The following SLCO5A1 variants were observed in gnomAD, a reference collection of about 807,000 sequenced individuals.
The protein encoded by SLCO5A1 is organic anion transporter polypeptide-related protein 4.
In SLCO5A1, 39 loss-of-function variants were observed where a neutral mutation model predicts 65.1. The observed-to-expected ratio is 0.60, with a 90% CI of 0.46 to 0.78. The LOEUF is 0.78. Among genes scored for constraint, SLCO5A1 ranks in the 30% least tolerant of loss-of-function variants. The pLI is 0.00. For missense variants in SLCO5A1, 1,029 were observed against 1,069.4 expected, an observed-to-expected ratio of 0.96 and a Z score of 0.53; for synonymous variants, 438 against 415.7, an observed-to-expected ratio of 1.05 and a Z score of -0.65.
chr8:69,680,199 G>C (rs890390475), intron 7 of SLCO5A1, among the ~76,000 whole-genome samples: 12 of 152,126 alleles, frequency 7.9e-5, no homozygotes, highest in Non-Finnish European at 1.6e-4. Context: ...GGTCTATTGT[G>C]TGATGCTGAG....
At chr8:69,680,514 T>G (rs1359216956) in intron 7 of SLCO5A1, among the ~76,000 whole-genome samples, 1 of 152,224 alleles carries the variant, frequency 6.6e-6, no homozygotes, top group African/African-American at 2.4e-5. Flanking sequence ...ATTATCACAT[T>G]TTCTTTATGG....
At chr8:69,679,038 T>G (rs1040059492) in intron 8 of SLCO5A1, among the ~76,000 whole-genome samples, 2 of 152,210 alleles carry the variant, frequency 1.3e-5, no homozygotes, top group African/African-American at 2.4e-5. Flanking sequence ...GGGTCCAGCT[T>G]CTCACAGCTG....
chr8:69,781,894 C>T (rs1397738965), intron 2 of SLCO5A1, among the ~76,000 whole-genome samples: 3 of 152,180 alleles, frequency 2.0e-5, no homozygotes, highest in Non-Finnish European at 2.9e-5. Context: ...CGACCTCAGG[C>T]GATCTGCCTG....
chr8:69,752,607 A>C (rs1368495284), intron 4 of SLCO5A1, among the ~76,000 whole-genome samples: 2 of 151,640 alleles, frequency 1.3e-5, no homozygotes, highest in African/African-American at 2.4e-5. Flanking sequence ...TTCTAATTGA[A>C]CATCATTTTA....
chr8:69,790,561 G>A (rs932071860), intron 2 of SLCO5A1, among the ~76,000 whole-genome samples: 3 of 152,082 alleles, frequency 2.0e-5, no homozygotes, highest in Non-Finnish European at 2.9e-5. Flanking sequence ...AATCACTTGA[G>A]CCCAGGAGTG....
chr8:69,817,447 C>T (rs918812200), intron 2 of SLCO5A1, among the ~76,000 whole-genome samples: 1 of 152,210 alleles, frequency 6.6e-6, no homozygotes, highest in Non-Finnish European at 1.5e-5. Flanking sequence ...GCTATGAACA[C>T]TGGAGTGTAA....
In SLCO5A1 at chr8:69,708,072, G is replaced by A. The variant is rs373075871; in HGVS notation, c.1424-2843C>T. Among the ~76,000 whole-genome samples, 3 of 152,244 alleles carry A rather than the reference G, an allele frequency of 2.0e-5. No individual in the cohort carries two copies. In the East Asian group the frequency reaches 5.8e-4, roughly 29 times the overall value. On this transcript the variant is annotated intron_variant, in intron 5 of 9. Coordinates refer to ENST00000260126, the MANE Select transcript of SLCO5A1 (RefSeq NM_030958.3). The stretch of plus-strand genomic sequence containing the variant: ...CAAAAGGGCCAAAACTACAACATTC[G>A]GATGAGTGCCAATGTTAATGGGGTA...
intron 2 of SLCO5A1, among the ~76,000 whole-genome samples, chr8:69,767,660 G>A (rs1205513901): frequency 6.6e-6 from 1 of 151,838 alleles, no homozygotes. Context: ...GGGAGGCCAA[G>A]GCAGGCAGAT....
rs146950796 is a variant in SLCO5A1, at chr8:69,710,168, G to A, written c.1424-4939C>T. ...CAAGCAGCTAGGATTGCAGGCGCTG[G>A]CAACCACGACCGGCTAATTTTTGTA... On this transcript the variant is annotated intron_variant, in intron 5 of 9. Transcript: ENST00000260126. Among the ~76,000 whole-genome samples, 187 of 152,016 alleles carry A rather than the reference G, an allele frequency of 1.2e-3. 1 individual carries two copies. Among genetic ancestry groups the A allele is most frequent in the African/African-American group, 4.4e-3 (181 of 41,448 alleles).
rs1813255700 is a variant in SLCO5A1, at chr8:69,668,864, A to G, written c.*4005T>C. ...TAAAGGTAACAATGTCACAGCGACT[A>G]AAGGGAACAATCGGGATCAGTGGTT... On this transcript the variant is annotated 3_prime_UTR_variant, in exon 10 of 10. Transcript: ENST00000260126. The G allele has an allele frequency of 6.6e-6, 1 of 152,172 alleles. No individual in the cohort carries two copies. The allele number at this position is 152,172 out of a possible 1,614,324, so 9.4% of individuals were successfully genotyped here. A position where few individuals can be genotyped will look rare whatever the true frequency, so the allele number is the denominator to read the frequency against.
intron 5 of SLCO5A1, among the ~76,000 whole-genome samples, chr8:69,731,001 A>ATTT (rs200542062): frequency 1.0e-4 from 15 of 145,236 alleles, no homozygotes; most frequent in Non-Finnish European, 2.3e-4. Flanking sequence ...AGTAATTGCA[A>ATTT]TTTTTTTTTT....
At chr8:69,754,282 C>T (rs540344014) in intron 4 of SLCO5A1, among the ~76,000 whole-genome samples, 5 of 152,148 alleles carry the variant, frequency 3.3e-5, no homozygotes, top group African/African-American at 4.8e-5. Context: ...GAGAGGGCCA[C>T]ATCTAAAATG....
intron 6 of SLCO5A1, among the ~76,000 whole-genome samples, chr8:69,688,645 T>A (rs1814105122): frequency 1.3e-5 from 2 of 152,164 alleles, no homozygotes; most frequent in South Asian, 2.1e-4. Context: ...ATTTCATCCA[T>A]GTCCCTACAA....
intron 2 of SLCO5A1, among the ~76,000 whole-genome samples, chr8:69,770,069 T>C (rs925500193): frequency 6.6e-6 from 1 of 152,252 alleles, no homozygotes; most frequent in African/African-American, 2.4e-5. Flanking sequence ...ACAGTAATTA[T>C]TGTTCCGTAA....
intron 6 of SLCO5A1, among the ~76,000 whole-genome samples, chr8:69,682,610 C>T (rs1813832260): frequency 6.6e-6 from 1 of 152,192 alleles, no homozygotes; most frequent in East Asian, 1.9e-4. Context: ...CCTCTTGGTG[C>T]TATGAACCTG....
At chr8:69,797,325 T>A (rs1256363430) in intron 2 of SLCO5A1, among the ~76,000 whole-genome samples, 2 of 152,206 alleles carry the variant, frequency 1.3e-5, no homozygotes, top group Non-Finnish European at 2.9e-5. Flanking sequence ...GGAGGATGTA[T>A]GTCACCTCAG....
chr8:69,808,344 G>T (rs1294128803), intron 2 of SLCO5A1, among the ~76,000 whole-genome samples: 2 of 151,928 alleles, frequency 1.3e-5, no homozygotes, highest in South Asian at 2.1e-4. Context: ...CCTCCAAAAG[G>T]CCCCAGTGTG....
chr8:69,691,686 C>G (rs1814266138), intron 6 of SLCO5A1, among the ~76,000 whole-genome samples: 1 of 152,118 alleles, frequency 6.6e-6, no homozygotes, highest in South Asian at 2.1e-4. Context: ...GAATAGTGTT[C>G]CATTGTATGT....
chr8:69,794,334 C>T (rs1819395475), intron 2 of SLCO5A1: 1 of 437,952 alleles, frequency 2.3e-6, no homozygotes, highest in Non-Finnish European at 4.5e-6. Flanking sequence ...GCAGCCAGGA[C>T]TGAGTAGACA....
Sources: gnomAD v4.1 joint callset for allele counts (sites outside exome capture counted in the v4.1 genomes callset) on GRCh38, gnomAD v4.1.1 for gene constraint, MANE v1.5 for transcripts, NCBI Gene and HGNC (gene_info 2026-07-23, HGNC 2026-07-21) for gene names.